The following HDAC9 variants were observed in gnomAD, a reference collection of about 807,000 sequenced individuals.
HDAC9 encodes the protein MEF-2 interacting transcription repressor (MITR) protein.
A neutral mutation model predicts 139.4 loss-of-function variants in HDAC9; 41 were observed. The observed-to-expected ratio is 0.29, with a 90% CI of 0.23 to 0.38. The LOEUF (loss-of-function observed/expected upper bound fraction) is 0.38. Ranked by LOEUF, HDAC9 falls within the 10% of genes least tolerant of loss-of-function variation. The probability of loss-of-function intolerance (pLI) is 1.00; values close to 1 mark genes in which losing one functional copy is unlikely to be tolerated. For missense variants in HDAC9, 1,147 were observed against 1,297.0 expected (o/e 0.88, Z 1.78); for synonymous variants, 517 against 476.2 (o/e 1.09, Z -1.12).
At chr7:18,135,377 G>T (rs546899341) in intron 1 of HDAC9, among the ~76,000 whole-genome samples, 1,791 of 136,728 alleles carry the variant, frequency 0.013, 40 homozygotes, top group African/African-American at 0.046. Context: ...ATGTATACAT[G>T]TGCCATGCTG....
intron 1 of HDAC9, among the ~76,000 whole-genome samples, chr7:18,339,424 C>A (rs559982046): frequency 6.6e-6 from 1 of 151,204 alleles, no homozygotes; most frequent in East Asian, 1.9e-4. Flanking sequence ...CCCCTAAGTT[C>A]TATTTTAGCA....
intron 1 of HDAC9, among the ~76,000 whole-genome samples, chr7:18,398,303 C>T (rs953559766): frequency 7.9e-5 from 12 of 152,098 alleles, no homozygotes; most frequent in African/African-American, 2.9e-4. Context: ...CAATTGATTC[C>T]ATATTTTTCT....
intron 24 of HDAC9, among the ~76,000 whole-genome samples, chr7:18,962,214 A>G (rs1783572380): frequency 1.3e-5 from 2 of 152,142 alleles, no homozygotes; most frequent in South Asian, 4.1e-4. Context: ...GCTATTTGTC[A>G]TATATTCTTT....
chr7:18,269,369 A>G (rs982500109), intron 2 of HDAC9, among the ~76,000 whole-genome samples: 3 of 152,184 alleles, frequency 2.0e-5, no homozygotes, highest in African/African-American at 4.8e-5. Context: ...TTTCCAAGCA[A>G]TTGAGCAGGT....
intron 1 of HDAC9, among the ~76,000 whole-genome samples, chr7:18,299,069 T>C (rs1234868225): frequency 6.6e-6 from 1 of 152,130 alleles, no homozygotes; most frequent in African/African-American, 2.4e-5. Context: ...ATTCAGTTTA[T>C]TGTTGAAAAA....
chr7:18,111,643 G>A (rs148875895), intron 1 of HDAC9, among the ~76,000 whole-genome samples: 1 of 152,052 alleles, frequency 6.6e-6, no homozygotes, highest in Non-Finnish European at 1.5e-5. Flanking sequence ...TTGGTATACT[G>A]TATTGTTTTT....
chr7:18,805,077 A>G (rs2129185676), intron 17 of HDAC9, among the ~76,000 whole-genome samples: 1 of 152,320 alleles, frequency 6.6e-6, no homozygotes, highest in East Asian at 1.9e-4. Context: ...GATTACAGGC[A>G]TGAGCCCCTG....
chr7:18,255,526 A>G (rs1347560693), intron 2 of HDAC9, among the ~76,000 whole-genome samples: 2 of 152,156 alleles, frequency 1.3e-5, no homozygotes, highest in African/African-American at 2.4e-5. Flanking sequence ...CAGCTCGGAA[A>G]CATAGGTTGT....
chr7:18,605,860 T>A (rs1418005553), intron 6 of HDAC9, among the ~76,000 whole-genome samples: 2 of 152,030 alleles, frequency 1.3e-5, no homozygotes, highest in Non-Finnish European at 2.9e-5. Flanking sequence ...TTTTGTATTT[T>A]CAGTAGAGAT....
At chr7:18,492,422 G>C (rs1796440278), upstream of HDAC9, among the ~76,000 whole-genome samples, 1 of 151,856 alleles carries the variant, frequency 6.6e-6, no homozygotes, top group Admixed American at 6.6e-5. Flanking sequence ...AAAGAAATTG[G>C]ATTATGGTAA....
chr7:18,131,341 C>T (rs1784988362), intron 1 of HDAC9, among the ~76,000 whole-genome samples: 1 of 151,966 alleles, frequency 6.6e-6, no homozygotes, highest in East Asian at 1.9e-4. Context: ...TAACTAATAG[C>T]AAAATTTGGT....
At position 18,158,137 on chromosome 7, in the gene HDAC9, CT is replaced by C. The variant is rs950265141; in HGVS notation, c.-96-4086del. 2.9e-4 allele frequency among the ~76,000 whole-genome samples: 44 copies of C among 152,046 alleles called. 1 individual carries two copies. The highest frequency in any genetic ancestry group is 7.4e-5 in the Non-Finnish European group (5 of 68,008). ...CTACATAGACTATAAAAGCGTTCTG[CT>C]TTTTTAGTAGCACACTATCCAAAAT... On this transcript the variant is annotated intron_variant, in intron 1 of 12. Coordinates refer to the HDAC9 transcript ENST00000417496.
chr7:18,918,447 T>C (rs911461194), intron 22 of HDAC9, among the ~76,000 whole-genome samples: 5 of 152,076 alleles, frequency 3.3e-5, no homozygotes, highest in African/African-American at 1.2e-4. Flanking sequence ...AGTATTATTC[T>C]AGAAATATTT....
intron 2 of HDAC9, among the ~76,000 whole-genome samples, chr7:18,223,705 C>G (rs935962886): frequency 6.6e-6 from 1 of 151,902 alleles, no homozygotes; most frequent in Admixed American, 6.6e-5. Flanking sequence ...TCATTTTATA[C>G]TGTTTATTTA....
At chr7:18,762,563 G>T (rs1789483741) in intron 15 of HDAC9, among the ~76,000 whole-genome samples, 1 of 152,140 alleles carries the variant, frequency 6.6e-6, no homozygotes, top group East Asian at 1.9e-4. Flanking sequence ...CTACATTGCT[G>T]AATTTATTGT....
intron 1 of HDAC9, among the ~76,000 whole-genome samples, chr7:18,304,242 T>C (rs1798765984): frequency 6.6e-6 from 1 of 152,210 alleles, no homozygotes; most frequent in Non-Finnish European, 1.5e-5. Flanking sequence ...ATGACTAAGT[T>C]ATGAACTAGA....
intron 22 of HDAC9, among the ~76,000 whole-genome samples, chr7:18,880,941 T>C (rs1799694503): frequency 6.6e-6 from 1 of 151,978 alleles, no homozygotes; most frequent in Non-Finnish European, 1.5e-5. Context: ...TCTGATTCTC[T>C]TTCCCCCACC....
At chr7:18,256,236 T>C (rs1175505395) in intron 2 of HDAC9, among the ~76,000 whole-genome samples, 1 of 152,160 alleles carries the variant, frequency 6.6e-6, no homozygotes, top group Non-Finnish European at 1.5e-5. Flanking sequence ...GTAATATTGA[T>C]TCTGACTACG....
At chr7:18,434,213 G>A (rs1009733935) in intron 1 of HDAC9, among the ~76,000 whole-genome samples, 2 of 152,184 alleles carry the variant, frequency 1.3e-5, no homozygotes, top group Non-Finnish European at 2.9e-5. Flanking sequence ...CTATCCGTAT[G>A]CAGAAGATTG....
Sources: gnomAD v4.1 joint callset for allele counts (sites outside exome capture counted in the v4.1 genomes callset) on GRCh38, gnomAD v4.1.1 for gene constraint, MANE v1.5 for transcripts, NCBI Gene and HGNC (gene_info 2026-07-23, HGNC 2026-07-21) for gene names.